CRHR1: variants seen among roughly 807,000 people sequenced by gnomAD.
CRHR1 encodes corticotropin releasing hormone receptor 1.
Under a neutral mutation model 56.0 loss-of-function variants are expected in CRHR1, and 28 were observed. That is an observed-to-expected ratio of 0.50 (90% CI 0.37 to 0.69). The LOEUF is 0.69. Among genes scored for constraint, CRHR1 ranks in the 30% least tolerant of loss-of-function variants. The pLI is 0.00. For missense variants in CRHR1, 376 were observed against 548.0 expected, an observed-to-expected ratio of 0.69 and a Z score of 3.13; for synonymous variants, 195 against 216.5, an observed-to-expected ratio of 0.90 and a Z score of 0.87.
intron 1 of CRHR1, among the ~76,000 whole-genome samples, chr17:45,803,861 T>C (rs1214784021): frequency 6.6e-6 from 1 of 152,172 alleles, no homozygotes; most frequent in Admixed American, 6.5e-5. Flanking sequence ...TGATGATTTC[T>C]AGTCCCCTTC....
chr17:45,809,585 A>G (rs1480927614), intron 2 of CRHR1, among the ~76,000 whole-genome samples: 3 of 152,198 alleles, frequency 2.0e-5, no homozygotes, highest in Non-Finnish European at 1.5e-5. Context: ...CACGCGATCC[A>G]TCACCCTCCA....
chr17:45,834,789 C>G lies in CRHR1; in HGVS notation c.*25C>G. ...AGCTGGCAGGTCATGGAGCAGCCCC[C>G]AAAGAGCTGTGGCTGGGGGGATGAC... On this transcript the variant is annotated 3_prime_UTR_variant, in exon 13 of 13. Transcript: ENST00000314537. The G allele has an allele frequency of 1.9e-6, 3 of 1,613,190 alleles. No homozygotes were observed. Among genetic ancestry groups the G allele is most frequent in the Non-Finnish European group, 2.5e-6 (3 of 1,179,830 alleles).
Position 45,830,549 on chromosome 17 carries a change from A to T in CRHR1, c.688A>T (p.Met230Leu). Residue 230 changes from methionine (M) to leucine (L), a missense_variant, in exon 7 of 13, where the codon ATG becomes TTG. By Grantham distance (15) the Met-to-Leu change is conservative. This residue lies in a region of CRHR1 where 369 missense variants were observed against 519.5 expected (regional missense o/e 0.71). Coordinates refer to ENST00000314537, the MANE Select transcript of CRHR1 (RefSeq NM_004382.5). ...CTCCACTGACCGGCTGCGCAAATGG[A>T]TGTTCATCTGCATTGGCTGGGGTGA... ...TYSTDRLRKW[M>L]FICIGWGVPF... 6.2e-7 allele frequency: 1 copy of T among 1,611,848 alleles called. No homozygotes were observed.
chr17:45,811,843 C>A (rs1408331491), intron 2 of CRHR1, among the ~76,000 whole-genome samples: 1 of 152,216 alleles, frequency 6.6e-6, no homozygotes, highest in Non-Finnish European at 1.5e-5. Context: ...CATAGTATTT[C>A]TCACTGGTTA....
chr17:45,816,453 C>G lies in CRHR1; in HGVS notation c.122-10C>G, dbSNP rs1382860857. 1.9e-6 allele frequency: 3 copies of G among 1,613,786 alleles called. No homozygotes were observed. Among genetic ancestry groups the G allele is most frequent in the East Asian group, 2.2e-5 (1 of 44,888 alleles). ...TCTTGCTGTGCCTTACCAGCCGTCT[C>G]TGCCCCCAGGACTGCAGTGCAACGC... On this transcript the variant is annotated splice_polypyrimidine_tract_variant and intron_variant, in intron 2 of 12. Transcript: ENST00000314537.
chr17:45,824,026 C>T (rs1446901857), intron 4 of CRHR1, among the ~76,000 whole-genome samples: 1 of 152,168 alleles, frequency 6.6e-6, no homozygotes, highest in East Asian at 1.9e-4. Context: ...CTTGCTAAGC[C>T]CCCACACAGA....
chr17:45,815,953 G>A (rs2061918833), intron 2 of CRHR1, among the ~76,000 whole-genome samples: 1 of 152,230 alleles, frequency 6.6e-6, no homozygotes, highest in Non-Finnish European at 1.5e-5. Context: ...AGGCCAGCCG[G>A]AAGGAGGGCC....
chr17:45,800,505 T>G (rs1438756205), intron 1 of CRHR1: 6 of 152,234 alleles, frequency 3.9e-5, no homozygotes, highest in Admixed American at 1.3e-4. Context: ...GGACTTTATA[T>G]TGCAGATGCA....
Position 45,821,295 on chromosome 17 carries a change from G to A in CRHR1, c.242-60G>A. 2.7e-6 allele frequency: 4 copies of A among 1,488,356 alleles called. No individual in the cohort carries two copies. The South Asian group carries it at 3.4e-5, about 13-fold the overall frequency. The allele number at this position is 1,488,356 out of a possible 1,614,324, so 92.2% of individuals were successfully genotyped here. On this transcript the variant is annotated intron_variant, in intron 3 of 12. Coordinates refer to ENST00000314537, the MANE Select transcript of CRHR1 (RefSeq NM_004382.5). ...TCCATCTACGCATCCATCTGGGCCA[G>A]GATGGTCAGGCAGGGGCCGGGGCTG...
chr17:45,815,631 C>T (rs1360511343), intron 2 of CRHR1, among the ~76,000 whole-genome samples: 1 of 152,160 alleles, frequency 6.6e-6, no homozygotes, highest in Non-Finnish European at 1.5e-5. Flanking sequence ...TTCCAGTGGG[C>T]TGAGATTAAG....
intron 1 of CRHR1, among the ~76,000 whole-genome samples, chr17:45,802,277 G>A (rs28698978): frequency 0.97 from 147,920 of 152,300 alleles, 71,958 homozygotes; most frequent in East Asian, 1. Flanking sequence ...GTGAGCGGAG[G>A]TCGCACCACT....
chr17:45,805,135 C>T (rs1022985265), intron 1 of CRHR1, among the ~76,000 whole-genome samples: 4 of 152,126 alleles, frequency 2.6e-5, no homozygotes, highest in African/African-American at 9.7e-5. Context: ...TCATTACTGA[C>T]TTTTTCCCTT....
intron 1 of CRHR1, among the ~76,000 whole-genome samples, 187 bp from the exon 2 acceptor site, chr17:45,806,821 CAG>C (rs1568043395): frequency 6.6e-6 from 1 of 151,974 alleles, no homozygotes; most frequent in East Asian, 1.9e-4. Context: ...ACCCTCCAGG[CAG>C]AGAGGACCCA....
In CRHR1 at chr17:45,829,480, G is replaced by A. The variant is rs1156381904; in HGVS notation, c.434+159G>A. ...AGTCTCAGGTCTCTGGGAACCTCTG[G>A]CAGAGCCGCTCTGCCCTCTCCCCAG... On this transcript the variant is annotated intron_variant, in intron 5 of 12. Coordinates refer to ENST00000314537, the MANE Select transcript of CRHR1 (RefSeq NM_004382.5). 4.2e-6 allele frequency: 6 copies of A among 1,424,386 alleles called. No individual in the cohort carries two copies. In the East Asian group the frequency reaches 9.9e-5, roughly 24 times the overall value. 88.2% of individuals were successfully genotyped at this position (1,424,386 alleles called of 1,614,324 possible). A position where few individuals can be genotyped will look rare whatever the true frequency, so the allele number is the denominator to read the frequency against.
In CRHR1 at chr17:45,784,763, G is replaced by A. The variant is rs1044453055; in HGVS notation, c.33+186G>A. Among the ~76,000 whole-genome samples the A allele has an allele frequency of 6.6e-6, 1 of 152,174 alleles. No individual in the cohort carries two copies. The highest frequency in any genetic ancestry group is 2.4e-5 in the African/African-American group (1 of 41,446). On this transcript the variant is annotated intron_variant, in intron 1 of 12. Transcript: ENST00000314537. The surrounding 1 kb of genome is among the most constrained non-coding windows in gnomAD (Gnocchi z 4.2). ...TGGAGCCAGGGTTGGGTAGGCAGGGGGAGACTCAGGTGAGAAAAGAAATCG... is the reference window on the plus strand; with the variant it reads ...TGGAGCCAGGGTTGGGTAGGCAGGGAGAGACTCAGGTGAGAAAAGAAATCG...
intron 1 of CRHR1, among the ~76,000 whole-genome samples, chr17:45,790,489 A>G (rs2061407050): frequency 6.6e-6 from 1 of 152,162 alleles, no homozygotes; most frequent in Admixed American, 6.5e-5. Context: ...GCAACTGTCC[A>G]CCCAGCAGCC....
chr17:45,788,203 T>C (rs2061368019), intron 1 of CRHR1, among the ~76,000 whole-genome samples: 1 of 152,226 alleles, frequency 6.6e-6, no homozygotes, highest in Admixed American at 6.5e-5. Context: ...TTTCAGCAGC[T>C]ATTGAAGGGG....
chr17:45,809,990 A>G (rs987166511), intron 2 of CRHR1, among the ~76,000 whole-genome samples: 1 of 152,224 alleles, frequency 6.6e-6, no homozygotes, highest in African/African-American at 2.4e-5. Context: ...GATAATTAAT[A>G]ATAGCTAGGC....
At chr17:45,793,672 C>T (rs1413973902) in intron 1 of CRHR1, among the ~76,000 whole-genome samples, 1 of 152,198 alleles carries the variant, frequency 6.6e-6, no homozygotes, top group Non-Finnish European at 1.5e-5. Context: ...ACTGTGGAAG[C>T]TGCTGCAAGG....
Sources: gnomAD v4.1 joint callset for allele counts (sites outside exome capture counted in the v4.1 genomes callset) on GRCh38, gnomAD v4.1.1 for gene constraint, gnomAD v4.1.1 regional missense constraint, Gnocchi (gnomAD v3.1) non-coding constraint, MANE v1.5 for transcripts, NCBI Gene and HGNC (gene_info 2026-07-23, HGNC 2026-07-21) for gene names.